The following TRAPPC9 variants were observed in gnomAD, a reference collection of about 807,000 sequenced individuals.
TRAPPC9 encodes IKK2 binding protein.
TRAPPC9 carries 83 observed loss-of-function variants against 124.0 expected under a neutral mutation model. The ratio of observed to expected loss-of-function variants is 0.67; its 90% confidence interval spans 0.56 to 0.80. The LOEUF is 0.80. Among genes scored for constraint, TRAPPC9 ranks in the 30% least tolerant of loss-of-function variants. The pLI is 0.00. For missense variants in TRAPPC9, 1,302 were observed against 1,508.3 expected (o/e 0.86, Z 2.27); for synonymous variants, 638 against 617.5 (o/e 1.03, Z -0.49).
rs575392219 is a variant in TRAPPC9 at position 139,742,944 on chromosome 8, G to A, written c.3056-10742C>T. Among the ~76,000 whole-genome samples the A allele has an allele frequency of 6.6e-5, 10 of 152,252 alleles. No individual in the cohort carries two copies. The highest frequency in any genetic ancestry group is 2.4e-4 in the African/African-American group (10 of 41,552). ...AGGCGGGTTTCCTCTGTCTAGGGTG[G>A]TGCTGAGCATGAGTTTCTGCCGTGC... On this transcript the variant is annotated intron_variant, in intron 21 of 22. Coordinates refer to ENST00000438773, the MANE Select transcript of TRAPPC9 (RefSeq NM_001160372.4). This position sits in a 1 kb window ranked among gnomAD's most constrained non-coding sequence, Gnocchi z 4.7.
intron 21 of TRAPPC9, among the ~76,000 whole-genome samples, chr8:139,791,687 T>C (rs927192920): frequency 1.3e-5 from 2 of 152,172 alleles, no homozygotes; most frequent in African/African-American, 2.4e-5. Flanking sequence ...TTGTATGGAT[T>C]GGCGCTACAG....
At chr8:139,956,144 T>A (rs1314761249) in intron 19 of TRAPPC9, among the ~76,000 whole-genome samples, 2 of 151,978 alleles carry the variant, frequency 1.3e-5, no homozygotes, top group Non-Finnish European at 2.9e-5. Context: ...TCACCCTACA[T>A]GGGATGTTGT....
intron 19 of TRAPPC9, among the ~76,000 whole-genome samples, chr8:139,986,011 G>A (rs1442338375): frequency 3.3e-5 from 5 of 152,184 alleles, no homozygotes; most frequent in East Asian, 1.9e-4. Context: ...TTGGGAGGCC[G>A]AGGCGGGCGG....
chr8:140,085,819 T>C (rs1844150904), intron 17 of TRAPPC9, among the ~76,000 whole-genome samples: 1 of 152,208 alleles, frequency 6.6e-6, no homozygotes, highest in Non-Finnish European at 1.5e-5. Flanking sequence ...ACAGCCTATC[T>C]CTGTCAACGC....
At chr8:140,265,755 C>A (rs1311522571) in intron 15 of TRAPPC9, among the ~76,000 whole-genome samples, 1 of 152,108 alleles carries the variant, frequency 6.6e-6, no homozygotes, top group Non-Finnish European at 1.5e-5. Context: ...GGTTACTTTA[C>A]GTTGATAATA....
chr8:140,401,327 A>G (rs909918617), intron 6 of TRAPPC9, among the ~76,000 whole-genome samples: 1 of 152,208 alleles, frequency 6.6e-6, no homozygotes. Context: ...TATAATGTAC[A>G]TGTAATCTGT....
intron 19 of TRAPPC9, among the ~76,000 whole-genome samples, chr8:139,923,386 C>T (rs1832623358): frequency 6.6e-6 from 1 of 152,200 alleles, no homozygotes; most frequent in South Asian, 2.1e-4. Flanking sequence ...GGGTTTCTTC[C>T]GGCGCCCCAT....
Position 140,435,123 on chromosome 8 carries a change from C to A in TRAPPC9, c.848G>T (p.Arg283Ile). ...AGGGCAGAGCTCACCTGGCCGGTGTCTATTGGCTGCTTCAGCAGGAAGGGT... is the reference window on the plus strand; with the variant it reads ...AGGGCAGAGCTCACCTGGCCGGTGTATATTGGCTGCTTCAGCAGGAAGGGT... ...GSTLPAEAAN[R>I]HRPGAQEVLI... Residue 283 changes from arginine to isoleucine, a missense_variant, in exon 4 of 23, where the codon AGA becomes ATA. Transcript: ENST00000438773. The A allele has an allele frequency of 6.2e-7, 1 of 1,614,200 alleles. No homozygotes were observed. Among genetic ancestry groups the A allele is most frequent in the Non-Finnish European group, 8.5e-7 (1 of 1,180,038 alleles).
rs199890950 is a variant in TRAPPC9, at chr8:140,397,701, A to G, written c.1053T>C (p.Ala351=). 6.2e-6 allele frequency: 10 copies of G among 1,614,232 alleles called. No homozygotes were observed. Among genetic ancestry groups the G allele is most frequent in the African/African-American group, 1.3e-5 (1 of 75,062 alleles). ...GTTTCTGAATTGCAAGGACACGTAC[A>G]GCCTTGATGCACGCTTCCAACTCAA... ...GVIELEACIK[A]VRVLAIQKRS... The change falls in exon 7 of 23, where the codon GCT becomes GCC. Residue 351 remains alanine (A), a synonymous_variant. Transcript: ENST00000438773.
intron 9 of TRAPPC9, among the ~76,000 whole-genome samples, chr8:140,345,973 G>A (rs1457206215): frequency 6.6e-6 from 1 of 152,202 alleles, no homozygotes; most frequent in East Asian, 1.9e-4. Flanking sequence ...GAAGACCCAG[G>A]GAAGGCTGGA....
At chr8:140,209,900 C>T (rs1469436782) in intron 17 of TRAPPC9, among the ~76,000 whole-genome samples, 1 of 152,200 alleles carries the variant, frequency 6.6e-6, no homozygotes, top group South Asian at 2.1e-4. Context: ...ACGGAAACAG[C>T]GTGAACTTTG....
At chr8:139,795,811 A>G (rs532309505) in intron 21 of TRAPPC9, among the ~76,000 whole-genome samples, 2 of 152,294 alleles carry the variant, frequency 1.3e-5, no homozygotes, top group South Asian at 2.1e-4. Flanking sequence ...GCACAAGCCA[A>G]TTACCACCTG....
At chr8:140,339,858 T>C (rs1413346388) in intron 9 of TRAPPC9, among the ~76,000 whole-genome samples, 1 of 152,218 alleles carries the variant, frequency 6.6e-6, no homozygotes, top group Non-Finnish European at 1.5e-5. Context: ...ACTTTTTTTT[T>C]TGAGACTGAG....
chr8:139,877,234 C>A (rs977415659), intron 21 of TRAPPC9, among the ~76,000 whole-genome samples: 1 of 152,180 alleles, frequency 6.6e-6, no homozygotes, highest in Admixed American at 6.5e-5. Context: ...AAGAGGCAGG[C>A]GGAGGGTGGC....
intron 17 of TRAPPC9, among the ~76,000 whole-genome samples, chr8:140,092,042 C>T (rs1388041935): frequency 4.1e-5 from 6 of 147,082 alleles, no homozygotes; most frequent in Admixed American, 1.4e-4. Context: ...CTCCTCCTGC[C>T]GGCCAGCTCC....
intron 21 of TRAPPC9, among the ~76,000 whole-genome samples, chr8:139,873,085 TGA>T (rs1313422712): frequency 2.6e-5 from 4 of 151,874 alleles, no homozygotes; most frequent in African/African-American, 9.7e-5. Context: ...GTTGGATGGA[TGA>T]GTGGGTTGGT....
chr8:139,903,029 G>C (rs953799764), intron 20 of TRAPPC9, among the ~76,000 whole-genome samples: 1 of 152,174 alleles, frequency 6.6e-6, no homozygotes, highest in African/African-American at 2.4e-5. Flanking sequence ...ACTGTTGTCT[G>C]CAAGATCCAA....
chr8:139,764,558 C>T (rs1052833017), intron 21 of TRAPPC9, among the ~76,000 whole-genome samples: 4 of 152,194 alleles, frequency 2.6e-5, no homozygotes, highest in African/African-American at 9.7e-5. Context: ...CTGAGTGAGA[C>T]ACGGGTTCAG....
chr8:140,219,039 A>G (rs1008533524), intron 17 of TRAPPC9, among the ~76,000 whole-genome samples: 2 of 152,208 alleles, frequency 1.3e-5, no homozygotes, highest in Non-Finnish European at 2.9e-5. Flanking sequence ...CTAAAGTCAC[A>G]AAACTAGTTG....
Sources: gnomAD v4.1 joint callset for allele counts (sites outside exome capture counted in the v4.1 genomes callset) on GRCh38, gnomAD v4.1.1 for gene constraint, Gnocchi (gnomAD v3.1) non-coding constraint, MANE v1.5 for transcripts, NCBI Gene and HGNC (gene_info 2026-07-23, HGNC 2026-07-21) for gene names.